ERBB2: variants seen among roughly 807,000 people sequenced by gnomAD.
ERBB2 encodes the protein erb-b2 receptor tyrosine kinase 2.
ERBB2 carries 61 observed loss-of-function variants against 149.0 expected under a neutral mutation model. The ratio of observed to expected loss-of-function variants is 0.41; its 90% CI spans 0.33 to 0.51. The LOEUF (loss-of-function observed/expected upper bound fraction) is 0.51, where lower values mean the gene tolerates loss of function less well. Ranked by LOEUF, ERBB2 falls within the 20% of genes least tolerant of loss-of-function variation. The pLI is 0.25. For synonymous variants in ERBB2, 633 were observed against 678.8 expected (o/e 0.93, Z 1.05); for missense variants, 1,205 against 1,655.1 (o/e 0.73, Z 4.72).
At position 39,707,115 on chromosome 17, in the gene ERBB2, A is replaced by G. The variant is rs778575008; in HGVS notation, c.199A>G (p.Thr67Ala). ...QGNLELTYLP[T>A]NASLSFLQDI... The stretch of plus-strand genomic sequence containing the variant: ...AAACCTGGAACTCACCTACCTGCCC[A>G]CCAATGCCAGCCTGTCCTTCCTGCA... Residue 67 changes from threonine (T) to alanine (A), a missense_variant, in exon 2 of 27, where the codon ACC becomes GCC. Transcript: ENST00000269571. 12 of 1,595,914 alleles carry G rather than the reference A, an allele frequency of 7.5e-6. No individual in the cohort carries two copies. The highest frequency in any genetic ancestry group is 1.0e-5 in the Non-Finnish European group (12 of 1,171,132).
rs546453163 is a variant in ERBB2, at chr17:39,705,275, G to A, written c.74-1715G>A. ...GAAAAGGGCTACAGGGGGTGGAGTC[G>A]GACCCTGCCCCAGCCCTGTGGAGAC... On this transcript the variant is annotated intron_variant, in intron 1 of 26. Coordinates refer to ENST00000269571, the MANE Select transcript of ERBB2 (RefSeq NM_004448.4). Among the ~76,000 whole-genome samples the A allele has an allele frequency of 7.9e-5, 12 of 152,198 alleles. No individual in the cohort carries two copies. In the East Asian group the frequency reaches 1.9e-3, roughly 25 times the overall value.
At chr17:39,719,999 C>T (rs917139471) in intron 16 of ERBB2, 165 bp downstream of exon 16, 1 of 679,610 alleles carries the variant, frequency 1.5e-6, no homozygotes. Flanking sequence ...TGACAGAGGA[C>T]CTGCTCAGAT....
chr17:39,712,079 AGTTCCT>A, intron 8 of ERBB2, 32 bp downstream of exon 8: 1 of 1,613,518 alleles, frequency 6.2e-7, no homozygotes, highest in Non-Finnish European at 8.5e-7. Flanking sequence ...GGCCAGCTGC[AGTTCCT>A]GTCCCTCTGC....
upstream of ERBB2, among the ~76,000 whole-genome samples, chr17:39,697,186 T>C (rs575679693): frequency 6.6e-5 from 10 of 152,256 alleles, no homozygotes; most frequent in South Asian, 1.9e-3. Context: ...ATAGGGATAT[T>C]GATGGCCATC....
intron 4 of ERBB2, 79 bp downstream of exon 4, chr17:39,709,531 G>A (rs979744391): frequency 1.3e-6 from 2 of 1,528,054 alleles, no homozygotes; most frequent in East Asian, 4.7e-5. Context: ...ACAACCCAGT[G>A]CCTGCCCGCC....
intron 7 of ERBB2, 126 bp from the exon 8 acceptor site, chr17:39,711,802 C>T (rs2058812515): frequency 5.4e-6 from 6 of 1,111,470 alleles, no homozygotes; most frequent in Admixed American, 3.6e-5. Flanking sequence ...ATGTCAGGTG[C>T]TGATGCGTGG....
chr17:39,706,853 G>A lies in ERBB2; in HGVS notation c.74-137G>A, dbSNP rs2145396595. ...GCTGTTAAACCTGCAGTGTGCAAGG[G>A]ACATGGGCGGAGGGGTCCTTCAGTC... On this transcript the variant is annotated intron_variant, in intron 1 of 26. Transcript: ENST00000269571. The A allele has an allele frequency of 3.9e-6, 3 of 761,310 alleles. No homozygotes were observed. The East Asian group carries it at 9.7e-5, about 24-fold the overall frequency. 47.2% of individuals were successfully genotyped at this position (761,310 alleles called of 1,614,324 possible).
rs771206209 is a variant in ERBB2 at position 39,726,642 on chromosome 17, C to T, written c.2953C>T (p.Arg985Cys). 4 of 1,614,138 alleles carry T rather than the reference C, an allele frequency of 2.5e-6. No homozygotes were observed. The highest frequency in any genetic ancestry group is 3.4e-6 in the Non-Finnish European group (4 of 1,179,968). Reference protein sequence around the residue: ...EFSRMARDPQRFVVIQNEDLG... With the variant: ...EFSRMARDPQCFVVIQNEDLG... ...CTCCCGCATGGCCAGGGACCCCCAG[C>T]GCTTTGTGGTCATCCAGGTACTGGG... The change falls in exon 24 of 27, where the codon CGC becomes TGC. Residue 985 changes from arginine (R) to cysteine (C), a missense_variant. Coordinates refer to ENST00000269571, the MANE Select transcript of ERBB2 (RefSeq NM_004448.4). The surrounding 1 kb of genome is among the most constrained non-coding windows in gnomAD (Gnocchi z 5.1).
chr17:39,697,349 G>GTTTTTTTTTT (rs1452125824), upstream of ERBB2, among the ~76,000 whole-genome samples: 36 of 132,328 alleles, frequency 2.7e-4, no homozygotes, highest in African/African-American at 8.3e-4. Flanking sequence ...TTGTTTTTTT[G>GTTTTTTTTTT]TTTTGTTTTT....
intron 19 of ERBB2, among the ~76,000 whole-genome samples, chr17:39,724,314 A>C (rs1292549866): frequency 8.8e-6 from 1 of 113,490 alleles, no homozygotes; most frequent in African/African-American, 3.3e-5. Context: ...TCTGTCACCC[A>C]GGCTAGAGTG....
At chr17:39,696,013 A>G (rs1297218461), upstream of ERBB2, among the ~76,000 whole-genome samples, 4 of 148,796 alleles carry the variant, frequency 2.7e-5, no homozygotes, top group East Asian at 8.0e-4. Context: ...CCCTCTCCCC[A>G]GCCCCCTAGC....
chr17:39,705,399 G>A (rs558977025), intron 1 of ERBB2, among the ~76,000 whole-genome samples: 49 of 152,274 alleles, frequency 3.2e-4, no homozygotes, highest in African/African-American at 1.0e-3. Context: ...GCAGCAGGGC[G>A]TTATTTTGGG....
chr17:39,694,228 T>A (rs1476395747), upstream of ERBB2, among the ~76,000 whole-genome samples: 7 of 9,044 alleles, frequency 7.7e-4, no homozygotes, highest in East Asian at 2.2e-3. Context: ...AAAAAAAAAA[T>A]ATATATATAT....
chr17:39,699,881 G>A, upstream of ERBB2: 3 of 703,426 alleles, frequency 4.3e-6, no homozygotes, highest in Non-Finnish European at 6.3e-6. Context: ...TAGGAGGGAC[G>A]CACCCAGGCC....
chr17:39,715,160 G>A, intron 9 of ERBB2, 126 bp from the exon 10 acceptor site: 2 of 741,204 alleles, frequency 2.7e-6, no homozygotes, highest in Non-Finnish European at 4.7e-6. Flanking sequence ...GATGGGAACA[G>A]CTGGGCTCGA....
chr17:39,711,264 T>G (rs539944790), intron 7 of ERBB2, among the ~76,000 whole-genome samples: 2 of 152,082 alleles, frequency 1.3e-5, no homozygotes, highest in South Asian at 4.1e-4. Context: ...CAATTTTGGC[T>G]CACTGCAACC....
At chr17:39,714,875 T>A (rs1160252535) in intron 9 of ERBB2, among the ~76,000 whole-genome samples, 1 of 151,836 alleles carries the variant, frequency 6.6e-6, no homozygotes, top group African/African-American at 2.4e-5. Context: ...GTTCAAGTGA[T>A]TCTCCTGCCT....
intron 9 of ERBB2, among the ~76,000 whole-genome samples, chr17:39,712,664 A>C (rs951738154): frequency 1.3e-4 from 20 of 152,188 alleles, no homozygotes; most frequent in Non-Finnish European, 2.9e-5. Flanking sequence ...ACTTGTATGG[A>C]GGTCAGACCA....
chr17:39,716,926 T>G (rs2059165390), intron 14 of ERBB2: 1 of 476,698 alleles, frequency 2.1e-6, no homozygotes, highest in Non-Finnish European at 3.8e-6. Context: ...CCTTGGTTTT[T>G]TATTCCTAAA....
Sources: gnomAD v4.1 joint callset for allele counts (sites outside exome capture counted in the v4.1 genomes callset) on GRCh38, gnomAD v4.1.1 for gene constraint, Gnocchi (gnomAD v3.1) non-coding constraint, MANE v1.5 for transcripts, NCBI Gene and HGNC (gene_info 2026-07-23, HGNC 2026-07-21) for gene names.